The following DHX15 variants were observed in gnomAD, a reference collection of about 807,000 sequenced individuals.
DHX15 encodes the protein ATP-dependent RNA helicase DHX15.
Under a neutral mutation model 94.4 loss-of-function variants are expected in DHX15, and 11 were observed. The observed-to-expected ratio is 0.12, with a 90% CI of 0.07 to 0.19. The LOEUF (loss-of-function observed/expected upper bound fraction) is 0.19. DHX15 is among the 10% of genes least tolerant of loss of function. The pLI is 1.00. For synonymous variants in DHX15, 338 were observed against 329.9 expected, an observed-to-expected ratio of 1.02 and a Z score of -0.27; for missense variants, 304 against 988.5, an observed-to-expected ratio of 0.31 and a Z score of 9.29.
At chr4:24,549,453 G>A (rs1376245157) in intron 5 of DHX15, among the ~76,000 whole-genome samples, 1 of 152,136 alleles carries the variant, frequency 6.6e-6, no homozygotes, top group Non-Finnish European at 1.5e-5. Context: ...CAATTATATG[G>A]AAGATTTGCT....
At chr4:24,575,137 TCAA>T (rs909558498) in intron 2 of DHX15, among the ~76,000 whole-genome samples, 6 of 147,494 alleles carry the variant, frequency 4.1e-5, no homozygotes, top group African/African-American at 1.3e-4. Context: ...AAAGACTGTC[TCAA>T]CAACAACACA....
At position 24,554,836 on chromosome 4, in the gene DHX15, A is replaced by G; in HGVS notation, c.969T>C (p.Tyr323=). ...GATAATCTCTCTCTGGTTCTGGAGT[A>G]TAGAAGATCTCAACAGGATGTGTAC... The part of the protein sequence containing the change: ...PGRTHPVEIF[Y]TPEPERDYLE... The change falls in exon 5 of 14, where the codon TAT becomes TAC. Residue 323 remains tyrosine (Y), a synonymous_variant. Transcript: ENST00000336812. 6.2e-7 allele frequency: 1 copy of G among 1,613,804 alleles called. No homozygotes were observed. The highest frequency in any genetic ancestry group is 1.7e-5 in the Admixed American group (1 of 60,016).
At chr4:24,566,754 G>A (rs1421224149) in intron 3 of DHX15, among the ~76,000 whole-genome samples, 1 of 152,084 alleles carries the variant, frequency 6.6e-6, no homozygotes, top group African/African-American at 2.4e-5. Flanking sequence ...TGAACCCGGC[G>A]GGTGGAGGTT....
Position 24,576,384 on chromosome 4 carries a change from G to A in DHX15, c.366C>T (p.Pro122=), listed in dbSNP as rs1338995684. 8 of 1,614,020 alleles carry A rather than the reference G, an allele frequency of 5.0e-6. No homozygotes were observed. Among genetic ancestry groups the A allele is most frequent in the Non-Finnish European group, 6.8e-6 (8 of 1,180,044 alleles). ...PQCINPFTNL[P]HTPRYYDILK... ...GAATATCATAGTATCGAGGAGTATG[G>A]GGTAAGTTGGTGAACGGATTAATGC... Residue 122 remains proline (P), a synonymous_variant, in exon 2 of 14, where the codon CCC becomes CCT. Transcript: ENST00000336812.
At chr4:24,569,591 C>A (rs1236210573) in intron 3 of DHX15, among the ~76,000 whole-genome samples, 34 of 68,672 alleles carry the variant, frequency 5.0e-4, no homozygotes, top group Admixed American at 9.0e-4. Context: ...GACTCCATCT[C>A]AAAAAAAAAA....
chr4:24,578,537 A>C (rs1248917929), intron 1 of DHX15, among the ~76,000 whole-genome samples: 1 of 152,196 alleles, frequency 6.6e-6, no homozygotes, highest in Non-Finnish European at 1.5e-5. Context: ...TGGGGGAAGG[A>C]GGAGATGACA....
intron 12 of DHX15, among the ~76,000 whole-genome samples, chr4:24,531,235 C>A (rs947992545): frequency 2.6e-5 from 4 of 151,996 alleles, no homozygotes; most frequent in Non-Finnish European, 5.9e-5. Context: ...ACTACAGGCA[C>A]CCGCCACCGC....
intron 3 of DHX15, among the ~76,000 whole-genome samples, chr4:24,565,757 T>A (rs780270682): frequency 2.0e-5 from 3 of 152,270 alleles, no homozygotes; most frequent in Non-Finnish European, 4.4e-5. Flanking sequence ...TCTACCATCA[T>A]CACCAACAGC....
intron 3 of DHX15, among the ~76,000 whole-genome samples, chr4:24,569,524 G>A (rs565149620): frequency 4.3e-4 from 64 of 147,636 alleles, no homozygotes; most frequent in Admixed American, 8.2e-4. Flanking sequence ...CCCGGGAGGC[G>A]GAGGTTGCAG....
At chr4:24,528,164 C>T in intron 13 of DHX15, 123 bp from the exon 14 acceptor site, 2 of 631,968 alleles carry the variant, frequency 3.2e-6, no homozygotes, top group Non-Finnish European at 5.6e-6. Context: ...GAATTCAAGT[C>T]TCAGAAAAAT....
At chr4:24,569,347 C>G (rs1186625851) in intron 3 of DHX15, among the ~76,000 whole-genome samples, 2 of 152,114 alleles carry the variant, frequency 1.3e-5, no homozygotes, top group Non-Finnish European at 2.9e-5. Flanking sequence ...AATCCCAGCA[C>G]TGTGGGAGGC....
chr4:24,565,634 C>T (rs1721975501), intron 3 of DHX15, among the ~76,000 whole-genome samples: 1 of 152,164 alleles, frequency 6.6e-6, no homozygotes, highest in East Asian at 1.9e-4. Flanking sequence ...TTTACATCCC[C>T]AATTGTAATT....
intron 11 of DHX15, among the ~76,000 whole-genome samples, chr4:24,535,887 C>T (rs1400399913): frequency 6.6e-6 from 1 of 152,116 alleles, no homozygotes; most frequent in Non-Finnish European, 1.5e-5. Flanking sequence ...TAAAACCAGA[C>T]ATACAAAATT....
At chr4:24,550,357 A>T (rs1379918825) in intron 5 of DHX15, among the ~76,000 whole-genome samples, 1 of 152,048 alleles carries the variant, frequency 6.6e-6, no homozygotes, top group East Asian at 1.9e-4. Flanking sequence ...AGCTTACTAC[A>T]ACTTTTTAAC....
chr4:24,546,340 A>T (rs1008349380), intron 6 of DHX15, among the ~76,000 whole-genome samples: 1 of 152,238 alleles, frequency 6.6e-6, no homozygotes, highest in Admixed American at 6.5e-5. Context: ...ATGTAGGATC[A>T]ACTATAGAAA....
In DHX15 at chr4:24,528,144, GC is replaced by G. The variant is rs1240161294; in HGVS notation, c.2271-104del. 3 of 686,454 alleles carry G rather than the reference GC, an allele frequency of 4.4e-6. No individual in the cohort carries two copies. In the Admixed American group the frequency reaches 7.0e-5, roughly 16 times the overall value. The allele number at this position is 686,454 out of a possible 1,614,324, so 42.5% of individuals were successfully genotyped here. On this transcript the variant is annotated intron_variant, in intron 13 of 13. Coordinates refer to ENST00000336812, the MANE Select transcript of DHX15 (RefSeq NM_001358.3). ...TTCATTAATATACTGATGAACCAAG[GC>G]AAATCTATGAATTCAAGTCTCAGAA...
chr4:24,562,862 A>T (rs1299959320), intron 3 of DHX15, among the ~76,000 whole-genome samples: 5 of 152,192 alleles, frequency 3.3e-5, no homozygotes, highest in Admixed American at 2.6e-4. Context: ...CTGTGAGACA[A>T]TTCTGAAAGA....
chr4:24,547,861 GTC>G (rs36229958), intron 6 of DHX15, among the ~76,000 whole-genome samples: 3,201 of 126,374 alleles, frequency 0.025, 117 homozygotes, highest in African/African-American at 0.057. Flanking sequence ...AGACATATAT[GTC>G]TCTCTCTCTC....
rs145514672 is a variant in DHX15, at chr4:24,556,233, G to A, written c.861+18C>T. Reference sequence around the variant, plus strand: ...ATACACACATATATAGTTAAATGGAGAGAAGAAATTACTTCACCTTTAAAT... The same window carrying A: ...ATACACACATATATAGTTAAATGGAAAGAAGAAATTACTTCACCTTTAAAT... On this transcript the variant is annotated intron_variant, in intron 4 of 13. Coordinates refer to ENST00000336812, the MANE Select transcript of DHX15 (RefSeq NM_001358.3). 73 of 1,610,372 alleles carry A rather than the reference G, an allele frequency of 4.5e-5. No individual in the cohort carries two copies. The highest frequency in any genetic ancestry group is 6.2e-5 in the Non-Finnish European group (73 of 1,177,528).
Sources: gnomAD v4.1 joint callset for allele counts (sites outside exome capture counted in the v4.1 genomes callset) on GRCh38, gnomAD v4.1.1 for gene constraint, MANE v1.5 for transcripts, NCBI Gene and HGNC (gene_info 2026-07-23, HGNC 2026-07-21) for gene names.